RASSF5: variants seen among roughly 807,000 people sequenced by gnomAD.
RASSF5 encodes ras association domain-containing protein 5.
Under a neutral mutation model 40.5 loss-of-function variants are expected in RASSF5, and 25 were observed. That is an observed-to-expected ratio of 0.62 (90% CI 0.45 to 0.86). The LOEUF is 0.86. Ranked by LOEUF, RASSF5 falls within the 40% of genes least tolerant of loss-of-function variation. RASSF5 has a pLI of 0.00. For missense variants in RASSF5, 521 were observed against 572.8 expected, an observed-to-expected ratio of 0.91 and a Z score of 0.92; for synonymous variants, 246 against 252.4, an observed-to-expected ratio of 0.97 and a Z score of 0.24.
At chr1:206,508,137 G>A (rs1326912602) in intron 1 of RASSF5, 78 bp downstream of exon 1, 1 of 1,111,994 alleles carries the variant, frequency 9.0e-7, no homozygotes, top group African/African-American at 1.6e-5. Context: ...CCTGGGGCAG[G>A]GAGAGAGGGG....
chr1:206,526,137 A>C (rs933334561), intron 1 of RASSF5, among the ~76,000 whole-genome samples: 1 of 152,204 alleles, frequency 6.6e-6, no homozygotes, highest in Non-Finnish European at 1.5e-5. Flanking sequence ...CAGAGACGAC[A>C]GCCCCTGTGT....
chr1:206,566,500 A>C (rs1365882757), intron 2 of RASSF5, among the ~76,000 whole-genome samples: 2 of 152,190 alleles, frequency 1.3e-5, no homozygotes, highest in African/African-American at 4.8e-5. Context: ...GTGGTGGTGA[A>C]CTGTTCCCCC....
Position 206,584,898 on chromosome 1 carries a change from C to G in RASSF5, c.988+214C>G. On this transcript the variant is annotated intron_variant, in intron 4 of 5. Transcript: ENST00000579436. This position sits in a 1 kb window ranked among gnomAD's most constrained non-coding sequence, Gnocchi z 4.9. ...CATGTGACTTCAGGAAAACCACACC[C>G]TAGGCTCCCATTTCCTGATCTGTGC... The G allele has an allele frequency of 1.7e-6, 1 of 605,556 alleles. No homozygotes were observed. The highest frequency in any genetic ancestry group is 2.0e-5 in the South Asian group (1 of 50,016). The allele number at this position is 605,556 out of a possible 1,614,324, so 37.5% of individuals were successfully genotyped here.
At chr1:206,586,493 G>A in intron 5 of RASSF5, 1 of 234,844 alleles carries the variant, frequency 4.3e-6, no homozygotes, top group Non-Finnish European at 8.4e-6. Flanking sequence ...TGCTTTCTGA[G>A]GGTCTGCATG....
chr1:206,552,999 C>A lies in RASSF5; in HGVS notation c.579+14706C>A, dbSNP rs979575542. Among the ~76,000 whole-genome samples the A allele has an allele frequency of 6.6e-6, 1 of 152,006 alleles. No individual in the cohort carries two copies. The highest frequency in any genetic ancestry group is 2.4e-5 in the African/African-American group (1 of 41,372). ...CAGGCAGATCACGAGGTCAGGAGATCGAGACCATCCTGGATAACACAGTGA... is the reference window on the plus strand; with the variant it reads ...CAGGCAGATCACGAGGTCAGGAGATAGAGACCATCCTGGATAACACAGTGA... On this transcript the variant is annotated intron_variant, in intron 2 of 5. Coordinates refer to ENST00000579436, the MANE Select transcript of RASSF5 (RefSeq NM_182663.4). This position sits in a 1 kb window ranked among gnomAD's most constrained non-coding sequence, Gnocchi z 4.1.
At chr1:206,581,744 C>T (rs909048013) in intron 2 of RASSF5, among the ~76,000 whole-genome samples, 1 of 152,106 alleles carries the variant, frequency 6.6e-6, no homozygotes, top group Non-Finnish European at 1.5e-5. Context: ...GCCAGCTCCT[C>T]TTGGCAGCCA....
At chr1:206,541,857 G>A (rs35709212) in intron 2 of RASSF5, 12,643 of 152,208 alleles carry the variant, frequency 0.083, 708 homozygotes, top group Non-Finnish European at 0.13. Flanking sequence ...GTGCCCTCAC[G>A]ATGAAGTGAG....
At chr1:206,553,726 C>T (rs1553401348) in intron 2 of RASSF5, among the ~76,000 whole-genome samples, 4 of 152,148 alleles carry the variant, frequency 2.6e-5, no homozygotes, top group Admixed American at 1.3e-4. Flanking sequence ...GAAGAGAAGA[C>T]CCCAGGAAGC....
At chr1:206,529,319 A>T in intron 1 of RASSF5, 4 of 783,884 alleles carry the variant, frequency 5.1e-6, no homozygotes, top group Non-Finnish European at 9.0e-6. Flanking sequence ...TCCTTCGAGC[A>T]GGAGTTAACA....
At chr1:206,523,272 C>A (rs920308971) in intron 1 of RASSF5, among the ~76,000 whole-genome samples, 2 of 147,420 alleles carry the variant, frequency 1.4e-5, no homozygotes, top group African/African-American at 5.0e-5. Flanking sequence ...CCACTGTGCT[C>A]CAGCCTGGGT....
chr1:206,572,425 A>T (rs1202278399), intron 2 of RASSF5, among the ~76,000 whole-genome samples: 3 of 152,186 alleles, frequency 2.0e-5, no homozygotes, highest in Non-Finnish European at 2.9e-5. Flanking sequence ...TTTACAGAAG[A>T]GCACATGGTG....
chr1:206,581,322 G>A (rs998449459), intron 2 of RASSF5, among the ~76,000 whole-genome samples: 1 of 152,200 alleles, frequency 6.6e-6, no homozygotes, highest in Non-Finnish European at 1.5e-5. Flanking sequence ...CAGAAGCTGG[G>A]TGCGGTGGCT....
chr1:206,526,269 A>AGAGTGTGTGTGTGTGT (rs1553397194), intron 1 of RASSF5, among the ~76,000 whole-genome samples: 2 of 143,128 alleles, frequency 1.4e-5, no homozygotes, highest in African/African-American at 5.3e-5. Flanking sequence ...GCTTTCTGGC[A>AGAGTGTGTGTGTGTGT]GTGTGTGTGT....
chr1:206,567,159 G>A (rs994509010), intron 2 of RASSF5, among the ~76,000 whole-genome samples: 10 of 152,204 alleles, frequency 6.6e-5, no homozygotes, highest in Non-Finnish European at 1.2e-4. Context: ...AGCTGTTTGC[G>A]CTGGAGGAAG....
chr1:206,562,814 T>C (rs7530835), intron 2 of RASSF5, among the ~76,000 whole-genome samples: 132,012 of 151,980 alleles, frequency 0.87, 57,555 homozygotes, highest in East Asian at 1. Context: ...GCTAACTACT[T>C]GGGAGGCTGA....
chr1:206,557,260 G>A, intron 2 of RASSF5: 5 of 1,141,502 alleles, frequency 4.4e-6, no homozygotes, highest in Non-Finnish European at 5.4e-6. Context: ...GCTGGCGCCG[G>A]GGACACGAAA....
intron 1 of RASSF5, among the ~76,000 whole-genome samples, chr1:206,525,064 C>T (rs1667062627): frequency 6.6e-6 from 1 of 152,188 alleles, no homozygotes; most frequent in South Asian, 2.1e-4. Context: ...GTGAACTATC[C>T]TGCCCTCTCT....
intron 2 of RASSF5, among the ~76,000 whole-genome samples, chr1:206,547,633 C>T (rs1553400439): frequency 6.6e-6 from 1 of 151,974 alleles, no homozygotes. Context: ...AAATAAAGTG[C>T]ACCATAAATG....
At chr1:206,557,771 C>A in intron 2 of RASSF5, 1 of 1,514,292 alleles carries the variant, frequency 6.6e-7, no homozygotes, top group Non-Finnish European at 9.1e-7. Context: ...GGAAACCTTG[C>A]TCCCAGCAAA....
Sources: allele counts gnomAD v4.1 joint callset (sites outside exome capture counted in the v4.1 genomes callset), GRCh38; gene constraint gnomAD v4.1.1; non-coding constraint Gnocchi (gnomAD v3.1); transcripts MANE v1.5; gene names NCBI Gene and HGNC (gene_info 2026-07-23, HGNC 2026-07-21).